Variants in FMNL2 observed in about 807,000 individuals in gnomAD.
FMNL2 encodes formin-like protein 2.
In FMNL2, 51 loss-of-function variants were observed where a neutral mutation model predicts 130.2. The observed-to-expected ratio is 0.39, with a 90% CI of 0.31 to 0.49. FMNL2 has a LOEUF of 0.49. Among genes scored for constraint, FMNL2 ranks in the 20% least tolerant of loss-of-function variants. The pLI is 0.85. For synonymous variants in FMNL2, 465 were observed against 467.1 expected (o/e 1.00, Z 0.06); for missense variants, 977 against 1,316.2 (o/e 0.74, Z 3.99).
Position 152,558,829 on chromosome 2 carries a change from TAAAACTTGGCTTGCTTGCATTTG to T in FMNL2, c.443+9_443+31del. 1.2e-6 allele frequency: 2 copies of T among 1,612,138 alleles called. No individual in the cohort carries two copies. The highest frequency in any genetic ancestry group is 1.7e-6 in the Non-Finnish European group (2 of 1,179,028). On this transcript the variant is annotated splice_region_variant and intron_variant, in intron 5 of 25. Coordinates refer to ENST00000288670, the MANE Select transcript of FMNL2 (RefSeq NM_052905.4). ...TTTGCACAGTACGCGGTAACGTAAG[TAAAACTTGGCTTGCTTGCATTTG>T]AATTTTATGTGGTCACAGCAGATGC...
chr2:152,517,771 T>G (rs1291763023), intron 1 of FMNL2, among the ~76,000 whole-genome samples: 1 of 152,220 alleles, frequency 6.6e-6, no homozygotes, highest in African/African-American at 2.4e-5. Context: ...CATCGACCTT[T>G]GGCGATACTT....
intron 15 of FMNL2, 123 bp from the exon 16 acceptor site, chr2:152,625,315 G>C: frequency 3.4e-6 from 4 of 1,160,226 alleles, no homozygotes; most frequent in Non-Finnish European, 4.7e-6. Flanking sequence ...AAACCTACTT[G>C]CGCGCCTCTT....
intron 1 of FMNL2, among the ~76,000 whole-genome samples, chr2:152,346,434 C>T (rs897847831): frequency 2.6e-5 from 4 of 152,128 alleles, no homozygotes; most frequent in Admixed American, 1.3e-4. Context: ...CTGCTTGAGG[C>T]CTGGAGTTTG....
chr2:152,391,652 C>T (rs1317185758), intron 1 of FMNL2, among the ~76,000 whole-genome samples: 1 of 151,680 alleles, frequency 6.6e-6, no homozygotes, highest in African/African-American at 2.4e-5. Flanking sequence ...GAGACACCGA[C>T]TTTCCCATAT....
At chr2:152,564,538 A>G (rs1369266376) in intron 6 of FMNL2, among the ~76,000 whole-genome samples, 2 of 152,164 alleles carry the variant, frequency 1.3e-5, no homozygotes, top group East Asian at 3.9e-4. Flanking sequence ...CCTGGCCAAC[A>G]TGGTGAAACT....
chr2:152,640,176 G>A (rs1444551655), intron 24 of FMNL2, 120 bp downstream of exon 24: 1 of 755,492 alleles, frequency 1.3e-6, no homozygotes, highest in African/African-American at 1.8e-5. Flanking sequence ...ACTTCCTTCT[G>A]GTGCCTGGAC....
chr2:152,587,673 T>G (rs1697159431), intron 9 of FMNL2, among the ~76,000 whole-genome samples: 1 of 152,234 alleles, frequency 6.6e-6, no homozygotes. Flanking sequence ...TAGTTATTTC[T>G]TTACCATTAG....
intron 1 of FMNL2, among the ~76,000 whole-genome samples, chr2:152,518,870 A>C (rs1186524047): frequency 6.6e-6 from 1 of 152,204 alleles, no homozygotes; most frequent in Admixed American, 6.5e-5. Context: ...TTTGAAAAAC[A>C]ACGTCATTAT....
At position 152,353,066 on chromosome 2, in the gene FMNL2, A is replaced by G. The variant is rs988681114; in HGVS notation, c.117+17346A>G. On this transcript the variant is annotated intron_variant, in intron 1 of 25. Transcript: ENST00000288670. ...ATGCTGGGACACAAAGGTGAATTTT[A>G]TTTTCCCTTTTGCCTTTGAGTAGTT... 3.9e-5 allele frequency among the ~76,000 whole-genome samples: 6 copies of G among 152,136 alleles called. No individual in the cohort carries two copies. The South Asian group carries it at 1.2e-3, about 32-fold the overall frequency.
chr2:152,636,325 A>G, intron 21 of FMNL2, 102 bp from the exon 22 acceptor site: 2 of 1,277,544 alleles, frequency 1.6e-6, no homozygotes, highest in South Asian at 3.0e-5. Context: ...AGGGCCCTTG[A>G]GTAAGCCTAA....
intron 2 of FMNL2, among the ~76,000 whole-genome samples, chr2:152,541,616 T>C (rs751640944): frequency 1.3e-5 from 2 of 152,188 alleles, no homozygotes; most frequent in Non-Finnish European, 2.9e-5. Flanking sequence ...CAACCATGAC[T>C]TTCAGGCTGA....
chr2:152,587,803 A>G (rs769677657), intron 9 of FMNL2, among the ~76,000 whole-genome samples: 29 of 152,378 alleles, frequency 1.9e-4, no homozygotes, highest in Non-Finnish European at 3.2e-4. Context: ...ACATTGATAA[A>G]TATTGGAATA....
At chr2:152,398,701 A>G (rs980089406) in intron 1 of FMNL2, among the ~76,000 whole-genome samples, 2 of 152,224 alleles carry the variant, frequency 1.3e-5, no homozygotes, top group Non-Finnish European at 2.9e-5. Flanking sequence ...GATATGCACC[A>G]TTATCTCCAG....
chr2:152,374,045 C>G (rs1158436720), intron 1 of FMNL2, among the ~76,000 whole-genome samples: 1 of 152,112 alleles, frequency 6.6e-6, no homozygotes, highest in Non-Finnish European at 1.5e-5. Context: ...CTGTGTAATT[C>G]TAGGCATATG....
chr2:152,474,530 C>T (rs1690036837), intron 1 of FMNL2, among the ~76,000 whole-genome samples: 1 of 151,742 alleles, frequency 6.6e-6, no homozygotes, highest in Admixed American at 6.6e-5. Flanking sequence ...ACTAAAAATA[C>T]AAAAAATTAG....
chr2:152,478,241 TATATA>T (rs1434042630), intron 1 of FMNL2, among the ~76,000 whole-genome samples: 3,415 of 35,616 alleles, frequency 0.096, 52 homozygotes, highest in East Asian at 0.15. Context: ...TATATATATA[TATATA>T]TATATTTTTT....
chr2:152,478,175 T>G (rs934091907), intron 1 of FMNL2, among the ~76,000 whole-genome samples: 3 of 150,512 alleles, frequency 2.0e-5, no homozygotes, highest in Non-Finnish European at 4.4e-5. Context: ...TTGGTTACAT[T>G]GTTTGAAAAA....
chr2:152,643,584 GTGTC>G, intron 25 of FMNL2: 2 of 1,528,280 alleles, frequency 1.3e-6, no homozygotes, highest in South Asian at 2.4e-5. Context: ...CCCCCTCTGT[GTGTC>G]TGTCAGGGCC....
intron 1 of FMNL2, among the ~76,000 whole-genome samples, chr2:152,363,706 C>T (rs182423625): frequency 1.8e-4 from 28 of 152,172 alleles, no homozygotes; most frequent in Non-Finnish European, 2.9e-4. Context: ...GGATTACAGG[C>T]GCCTGCCAAC....
Sources: allele counts gnomAD v4.1 joint callset (sites outside exome capture counted in the v4.1 genomes callset), GRCh38; gene constraint gnomAD v4.1.1; transcripts MANE v1.5; gene names NCBI Gene and HGNC (gene_info 2026-07-23, HGNC 2026-07-21).